PRUNE2: variants seen among roughly 807,000 people sequenced by gnomAD.
The protein encoded by PRUNE2 is prune homolog 2 with BCH domain.
PRUNE2 carries 164 observed loss-of-function variants against 252.0 expected under a neutral mutation model. The observed-to-expected ratio is 0.65, with a 90% CI of 0.57 to 0.74. The LOEUF is 0.74. PRUNE2 is among the 30% of genes least tolerant of loss of function. The probability of loss-of-function intolerance (pLI) is 0.00; values close to 1 mark genes in which losing one functional copy is unlikely to be tolerated. For synonymous variants in PRUNE2, 1,292 were observed against 1,350.2 expected (o/e 0.96, Z 0.94); for missense variants, 3,495 against 3,711.0 (o/e 0.94, Z 1.51).
At chr9:76,626,030 A>G (rs1437113847) in intron 16 of PRUNE2, among the ~76,000 whole-genome samples, 3 of 152,222 alleles carry the variant, frequency 2.0e-5, no homozygotes, top group Non-Finnish European at 2.9e-5. Context: ...ATGTTCATAA[A>G]TCAACAATGT....
chr9:76,768,641 GATC>G (rs1388042641), intron 6 of PRUNE2, among the ~76,000 whole-genome samples: 19 of 145,682 alleles, frequency 1.3e-4, no homozygotes, highest in African/African-American at 3.3e-4. Context: ...CTGCTGACTA[GATC>G]ATCAACAATT....
intron 1 of PRUNE2, among the ~76,000 whole-genome samples, chr9:76,876,796 A>G (rs1475234120): frequency 6.6e-6 from 1 of 152,196 alleles, no homozygotes; most frequent in Non-Finnish European, 1.5e-5. Context: ...TTTATATATA[A>G]TTACCCCAGT....
At position 76,652,942 on chromosome 9, in the gene PRUNE2, A is replaced by ATACT. The variant is rs1554800087; in HGVS notation, c.8357-263_8357-260dup. Among the ~76,000 whole-genome samples, 4 of 152,158 alleles carry ATACT rather than the reference A, an allele frequency of 2.6e-5. No homozygotes were observed. The South Asian group carries it at 8.3e-4, about 32-fold the overall frequency. On this transcript the variant is annotated intron_variant, in intron 10 of 18. Coordinates refer to ENST00000376718, the MANE Select transcript of PRUNE2 (RefSeq NM_015225.3). ...TCTGGTCCAAGCATTTAAGTAAGGG[A>ATACT]TACTTAACCTATACGTGGCTGCCAA...
In PRUNE2 at chr9:76,706,918, T is replaced by C. The variant is rs780553891; in HGVS notation, c.5356A>G (p.Lys1786Glu). ...GTCCCTGTTTCTGGAGAAGATCTCT[T>C]CTCCTTCTCCACTGCTGTAATCTGC... The part of the protein sequence containing the change: ...EMQITAVEKE[K>E]RSSPETGTTG... The change falls in exon 8 of 19, where the codon AAG becomes GAG. Residue 1786 changes from lysine (K) to glutamate (E), a missense_variant. Lys to Glu is a moderately conservative substitution (Grantham distance 56, BLOSUM62 1). Transcript: ENST00000376718. The C allele has an allele frequency of 2.5e-6, 4 of 1,605,432 alleles. No homozygotes were observed. The highest frequency in any genetic ancestry group is 3.4e-6 in the Non-Finnish European group (4 of 1,175,444).
At chr9:76,838,968 T>G (rs922708142) in intron 4 of PRUNE2, among the ~76,000 whole-genome samples, 4 of 152,204 alleles carry the variant, frequency 2.6e-5, no homozygotes, top group Non-Finnish European at 4.4e-5. Flanking sequence ...AAAATACATT[T>G]ATTTATTTAC....
intron 6 of PRUNE2, among the ~76,000 whole-genome samples, chr9:76,799,762 G>A (rs1030863767): frequency 6.6e-6 from 1 of 152,094 alleles, no homozygotes; most frequent in Admixed American, 6.5e-5. Context: ...ACTCTGTTTT[G>A]TTTAGTAGCA....
At chr9:76,666,416 G>T (rs979094125) in intron 9 of PRUNE2, among the ~76,000 whole-genome samples, 3 of 152,180 alleles carry the variant, frequency 2.0e-5, no homozygotes, top group Admixed American at 2.0e-4. Context: ...CTCCTAGTCC[G>T]CTTTCATGTT....
intron 6 of PRUNE2, chr9:76,739,821 C>T (rs574306508): frequency 6.6e-6 from 1 of 152,310 alleles, no homozygotes; most frequent in East Asian, 1.9e-4. Context: ...CGCGGTGGCT[C>T]ATGCCTGTAA....
chr9:76,823,464 A>G (rs1415639498), intron 6 of PRUNE2, 168 bp downstream of exon 6: 3 of 615,444 alleles, frequency 4.9e-6, no homozygotes, highest in Non-Finnish European at 8.8e-6. Context: ...TTGACTTAGC[A>G]TAGTGTTTTC....
At chr9:76,753,288 A>G (rs541643839) in intron 6 of PRUNE2, among the ~76,000 whole-genome samples, 7 of 152,242 alleles carry the variant, frequency 4.6e-5, no homozygotes, top group Non-Finnish European at 7.4e-5. Flanking sequence ...TCAACCTCCC[A>G]AAGTACTGGG....
intron 6 of PRUNE2, among the ~76,000 whole-genome samples, chr9:76,717,420 C>T (rs2047244355): frequency 6.6e-6 from 1 of 152,084 alleles, no homozygotes; most frequent in African/African-American, 2.4e-5. Flanking sequence ...GCTAGGCTGG[C>T]CCTGAATAAA....
At chr9:76,784,316 A>G (rs1413373147) in intron 6 of PRUNE2, 2 of 152,212 alleles carry the variant, frequency 1.3e-5, no homozygotes, top group African/African-American at 2.4e-5. Context: ...AGCATTACCA[A>G]TGAGAGGAAA....
rs2132633409 is a variant in PRUNE2, at chr9:76,854,173, A to T, written c.72T>A (p.Val24=). 1 of 1,605,162 alleles carries T rather than the reference A, an allele frequency of 6.2e-7. No individual in the cohort carries two copies. Among genetic ancestry groups the T allele is most frequent in the African/African-American group, 1.3e-5 (1 of 74,932 alleles). The change falls in exon 2 of 19, where the codon GTT becomes GTA. Residue 24 remains valine, a synonymous_variant. Coordinates refer to ENST00000376718, the MANE Select transcript of PRUNE2 (RefSeq NM_015225.3). Reference sequence around the variant, plus strand: ...CCAAGTCACACGATTTAGGCCCAATAACCACATGGACCTTCTCCAAGCGTT... The same window carrying T: ...CCAAGTCACACGATTTAGGCCCAATTACCACATGGACCTTCTCCAAGCGTT... ...RSKRLEKVHV[V]IGPKSCDLDS...
chr9:76,685,490 G>A (rs1480509477), intron 9 of PRUNE2, among the ~76,000 whole-genome samples: 8 of 152,190 alleles, frequency 5.3e-5, no homozygotes, highest in Non-Finnish European at 1.2e-4. Context: ...GTGTGTGTTT[G>A]GAAATGGGGT....
At chr9:76,657,990 C>A (rs1018281552) in intron 9 of PRUNE2, among the ~76,000 whole-genome samples, 1 of 152,002 alleles carries the variant, frequency 6.6e-6, no homozygotes, top group Non-Finnish European at 1.5e-5. Flanking sequence ...TAGCATGCAC[C>A]GGGGGAAGAA....
intron 6 of PRUNE2, among the ~76,000 whole-genome samples, chr9:76,732,982 A>G (rs2135445653): frequency 6.6e-6 from 1 of 152,348 alleles, no homozygotes; most frequent in African/African-American, 2.4e-5. Context: ...AGAACTGGAC[A>G]TCTGCTTCTC....
chr9:76,670,723 T>A (rs2041246760), intron 9 of PRUNE2, among the ~76,000 whole-genome samples: 2 of 151,772 alleles, frequency 1.3e-5, no homozygotes, highest in South Asian at 2.1e-4. Flanking sequence ...GCAGACTGCC[T>A]CCTCAAGTGG....
chr9:76,713,457 GGCTAATT>G, intron 7 of PRUNE2, 99 bp downstream of exon 7: 3 of 813,002 alleles, frequency 3.7e-6, no homozygotes, highest in Non-Finnish European at 5.3e-6. Flanking sequence ...CTACCTCTTG[GGCTAATT>G]GCTCATGAGC....
chr9:76,839,501 C>G (rs2059261344), intron 4 of PRUNE2, among the ~76,000 whole-genome samples: 1 of 152,148 alleles, frequency 6.6e-6, no homozygotes, highest in South Asian at 2.1e-4. Context: ...CTGAAAGGCT[C>G]TTGTGTCTGC....
Sources: gnomAD v4.1 joint callset for allele counts (sites outside exome capture counted in the v4.1 genomes callset) on GRCh38, gnomAD v4.1.1 for gene constraint, MANE v1.5 for transcripts, NCBI Gene and HGNC (gene_info 2026-07-23, HGNC 2026-07-21) for gene names.